FAM217A: variants seen among roughly 807,000 people sequenced by gnomAD.
The protein encoded by FAM217A is family with sequence similarity 217 member A.
Under a neutral mutation model 18.5 loss-of-function variants are expected in FAM217A, and 13 were observed. That is an observed-to-expected ratio of 0.70 (90% CI 0.46 to 1.12). The LOEUF (loss-of-function observed/expected upper bound fraction) is 1.12, where lower values mean the gene tolerates loss of function less well. FAM217A is among the 50% of genes most tolerant of loss of function. The pLI is 0.00. For synonymous variants in FAM217A, 161 were observed against 202.8 expected (o/e 0.79, Z 1.75); for missense variants, 560 against 575.4 (o/e 0.97, Z 0.27).
Position 4,069,874 on chromosome 6 carries a change from G to A in FAM217A, c.349C>T (p.His117Tyr). The stretch of plus-strand genomic sequence containing the variant: ...TTCAGAGTGAAGACCCTTATAGGAT[G>A]ATTGATTACATTAAAGCCAGTTTCC... ...SVETGFNVINHPIRVFTLNHP... is the reference protein window; with the variant it reads ...SVETGFNVINYPIRVFTLNHP... Residue 117 changes from histidine to tyrosine, a missense_variant, in exon 7 of 7, where the codon CAT (histidine) becomes TAT (tyrosine). By Grantham distance (83) the His-to-Tyr change is moderately conservative. Transcript: ENST00000274673. The A allele has an allele frequency of 6.2e-7, 1 of 1,601,606 alleles. No homozygotes were observed. The highest frequency in any genetic ancestry group is 1.3e-5 in the African/African-American group (1 of 74,578).
intron 2 of FAM217A, among the ~76,000 whole-genome samples, chr6:4,075,849 TGAAC>T (rs1296452569): frequency 6.6e-6 from 1 of 152,176 alleles, no homozygotes; most frequent in East Asian, 1.9e-4. Context: ...GAAGGGTAGT[TGAAC>T]ATTGGAAGGG....
At chr6:4,077,506 A>C in intron 1 of FAM217A, 58 bp from the exon 2 acceptor site, 4 of 1,372,958 alleles carry the variant, frequency 2.9e-6, no homozygotes, top group Admixed American at 1.7e-5. Flanking sequence ...TATAAAAAAG[A>C]AAGTGTGAGT....
intron 6 of FAM217A, among the ~76,000 whole-genome samples, chr6:4,072,830 T>G (rs1314923098): frequency 6.6e-6 from 1 of 152,162 alleles, no homozygotes; most frequent in African/African-American, 2.4e-5. Context: ...CTTTCATTAA[T>G]ATTGTGTGAC....
chr6:4,082,271 A>G (rs1479330611), upstream of FAM217A, among the ~76,000 whole-genome samples: 1 of 152,166 alleles, frequency 6.6e-6, no homozygotes, highest in Non-Finnish European at 1.5e-5. Flanking sequence ...CCAGCTCAAC[A>G]TCAATCCCAA....
chr6:4,079,502 C>T (rs1770113982), upstream of FAM217A: 1 of 606,180 alleles, frequency 1.6e-6, no homozygotes, highest in African/African-American at 2.1e-5. Context: ...TCCTGGGCCT[C>T]CTCGGGCTTC....
At chr6:4,079,526 A>G (rs912789528), upstream of FAM217A, 65 of 1,009,390 alleles carry the variant, frequency 6.4e-5, no homozygotes, top group African/African-American at 1.1e-3. Context: ...GACCCTCCCC[A>G]GGCCTTCCCC....
At chr6:4,079,816 CCGT>C (rs1770153207), upstream of FAM217A, 1 of 343,106 alleles carries the variant, frequency 2.9e-6, no homozygotes, top group African/African-American at 2.3e-5. Flanking sequence ...AGTTTCAGGT[CCGT>C]CGTCGGCCTT....
intron 2 of FAM217A, among the ~76,000 whole-genome samples, chr6:4,075,248 C>T (rs1581884624): frequency 6.6e-6 from 1 of 152,140 alleles, no homozygotes; most frequent in African/African-American, 2.4e-5. Flanking sequence ...GCAGGAGAAT[C>T]GCTTGAACCC....
chr6:4,070,287 C>T (rs1769318368), intron 6 of FAM217A, among the ~76,000 whole-genome samples: 1 of 152,068 alleles, frequency 6.6e-6, no homozygotes, highest in Admixed American at 6.5e-5. Context: ...GGATATCTAA[C>T]TCAAACTGAA....
chr6:4,084,798 A>G (rs1302424666), exon 2 of FAM217A: 2 of 703,020 alleles, frequency 2.8e-6, no homozygotes, highest in South Asian at 3.0e-5. Flanking sequence ...TATTCAGGAG[A>G]CACAGCAACC....
At chr6:4,071,091 TTAAATC>T (rs1281830030) in intron 6 of FAM217A, among the ~76,000 whole-genome samples, 1 of 152,136 alleles carries the variant, frequency 6.6e-6, no homozygotes, top group Non-Finnish European at 1.5e-5. Flanking sequence ...GAAAATCACT[TTAAATC>T]TACAACTGTT....
At position 4,069,004 on chromosome 6, in the gene FAM217A, T is replaced by G. The variant is rs1769209072; in HGVS notation, c.1219A>C (p.Ile407Leu). The G allele has an allele frequency of 3.1e-6, 5 of 1,613,948 alleles. No homozygotes were observed. Among genetic ancestry groups the G allele is most frequent in the Non-Finnish European group, 4.2e-6 (5 of 1,179,982 alleles). The change falls in exon 7 of 7, where the codon ATT (isoleucine) becomes CTT (leucine). Residue 407 changes from isoleucine (I) to leucine (L), a missense_variant. Coordinates refer to ENST00000274673, the MANE Select transcript of FAM217A (RefSeq NM_173563.3). The stretch of plus-strand genomic sequence containing the variant: ...GAGAGTTCTTGGCATGGACTTAAAA[T>G]AGAACTTTTGGGATTCTTATCATAA... ...ETYDKNPKSS[I>L]LSPCQELSFK...
At position 4,078,789 on chromosome 6, in the gene FAM217A, C is replaced by A. The variant is rs1031337354; in HGVS notation, c.-35+63G>T. ...AGCTGTGGCCGGACTGGGTGGGGAG[C>A]CCAGTTCCAGGGGTAGCAGGAGGGG... On this transcript the variant is annotated intron_variant, in intron 1 of 6. Coordinates refer to ENST00000274673, the MANE Select transcript of FAM217A (RefSeq NM_173563.3). 1.2e-4 allele frequency: 50 copies of A among 426,206 alleles called. 1 individual carries two copies. The highest frequency in any genetic ancestry group is 8.2e-4 in the African/African-American group (40 of 48,760). The allele number at this position is 426,206 out of a possible 1,614,324, so 26.4% of individuals were successfully genotyped here.
At chr6:4,070,333 A>C (rs1357925868) in intron 6 of FAM217A, among the ~76,000 whole-genome samples, 3 of 152,240 alleles carry the variant, frequency 2.0e-5, no homozygotes, top group Non-Finnish European at 1.5e-5. Flanking sequence ...AGAATTAGAT[A>C]AAAGGAAACT....
chr6:4,070,019 G>C, intron 6 of FAM217A, 99 bp from the exon 7 acceptor site: 1 of 897,106 alleles, frequency 1.1e-6, no homozygotes, highest in Non-Finnish European at 1.6e-6. Flanking sequence ...ATTGGTTAAT[G>C]TTTAGTTCCC....
chr6:4,070,683 T>G (rs1379671239), intron 6 of FAM217A, among the ~76,000 whole-genome samples: 1 of 152,170 alleles, frequency 6.6e-6, no homozygotes, highest in Admixed American at 6.5e-5. Flanking sequence ...ACATTAAAGA[T>G]AACAAAGTAA....
intron 5 of FAM217A, 45 bp downstream of exon 5, chr6:4,073,388 T>C: frequency 6.3e-7 from 1 of 1,587,462 alleles, no homozygotes; most frequent in Non-Finnish European, 8.6e-7. Flanking sequence ...GCTGCATATA[T>C]TTTTAAAATA....
At chr6:4,079,749 T>C (rs556831520), upstream of FAM217A, 4 of 923,666 alleles carry the variant, frequency 4.3e-6, no homozygotes, top group Admixed American at 6.2e-5. Flanking sequence ...TCTATGCTTG[T>C]ACAATATATT....
upstream of FAM217A, among the ~76,000 whole-genome samples, chr6:4,081,377 C>T (rs186570556): frequency 6.4e-4 from 96 of 150,948 alleles, no homozygotes; most frequent in Non-Finnish European, 1.1e-3. Flanking sequence ...GATCTCGGCT[C>T]ACTGCAACCT....
Sources: allele counts gnomAD v4.1 joint callset (sites outside exome capture counted in the v4.1 genomes callset), GRCh38; gene constraint gnomAD v4.1.1; transcripts MANE v1.5; gene names NCBI Gene and HGNC (gene_info 2026-07-23, HGNC 2026-07-21).